Variants in ITFG2 observed in about 807,000 individuals in gnomAD.
The protein encoded by ITFG2 is integrin alpha FG-GAP repeat containing 2.
A neutral mutation model predicts 54.4 loss-of-function variants in ITFG2; 36 were observed. The observed-to-expected ratio is 0.66, with a 90% CI of 0.51 to 0.87. The LOEUF (loss-of-function observed/expected upper bound fraction) is 0.87, where lower values mean the gene tolerates loss of function less well. Ranked by LOEUF, ITFG2 falls within the 40% of genes least tolerant of loss-of-function variation. The pLI, the probability that ITFG2 is intolerant of heterozygous loss-of-function variation, is 0.00. For missense variants in ITFG2, 524 were observed against 576.7 expected, an observed-to-expected ratio of 0.91 and a Z score of 0.94; for synonymous variants, 211 against 225.4, an observed-to-expected ratio of 0.94 and a Z score of 0.57.
rs1462636315 is a variant in ITFG2 at position 2,845,251 on chromosome 12, G to A, written n.300+4256G>A. ...GCAGGGAAGCTGGAAAGTGAGTTGG[G>A]TGGGGACTGTCTGCAGAGGGGATCT... On this transcript the variant is annotated intron_variant and non_coding_transcript_variant, in intron 2 of 3. Coordinates refer to the ITFG2 transcript ENST00000537710. This position sits in a 1 kb window ranked among gnomAD's most constrained non-coding sequence, Gnocchi z 4.2. 7.9e-5 allele frequency among the ~76,000 whole-genome samples: 12 copies of A among 152,314 alleles called. No individual in the cohort carries two copies. In the East Asian group the frequency reaches 1.7e-3, roughly 22 times the overall value.
rs550495933 is a variant in ITFG2 at position 2,819,827 on chromosome 12, G to A, written c.407-259G>A. 85 of 322,490 alleles carry A rather than the reference G, an allele frequency of 2.6e-4. No homozygotes were observed. The South Asian group carries it at 7.8e-3, about 30-fold the overall frequency. The allele number at this position is 322,490 out of a possible 1,614,324, so 20.0% of individuals were successfully genotyped here. On this transcript the variant is annotated intron_variant, in intron 4 of 11. Coordinates refer to ENST00000228799, the MANE Select transcript of ITFG2 (RefSeq NM_018463.4). Reference sequence around the variant, plus strand: ...GCTTGTAGGTGGTGGGAGATACGTGGGATGAATTGGGACACTTTGAGTTGC... The same window carrying A: ...GCTTGTAGGTGGTGGGAGATACGTGAGATGAATTGGGACACTTTGAGTTGC...
upstream of ITFG2, chr12:2,835,464 C>T (rs2098024887): frequency 6.4e-6 from 1 of 155,514 alleles, no homozygotes. Flanking sequence ...GCGTCCTTCC[C>T]TCCTCTCATC....
chr12:2,843,329 A>G (rs1367945529), intron 2 of ITFG2, among the ~76,000 whole-genome samples: 2 of 152,134 alleles, frequency 1.3e-5, no homozygotes, highest in Admixed American at 6.5e-5. Flanking sequence ...ACACCTCCCT[A>G]CTGCCATCCC....
chr12:2,841,745 G>A (rs1425636573), intron 2 of ITFG2, among the ~76,000 whole-genome samples: 1 of 151,486 alleles, frequency 6.6e-6, no homozygotes, highest in African/African-American at 2.4e-5. Context: ...TTGAGACAGA[G>A]TCTCACCCTG....
At chr12:2,851,677 T>A (rs1195802729) in intron 2 of ITFG2, among the ~76,000 whole-genome samples, 2 of 151,804 alleles carry the variant, frequency 1.3e-5, no homozygotes, top group Non-Finnish European at 2.9e-5. Context: ...TATTTATTTT[T>A]TTTATTTTAA....
At chr12:2,843,610 C>T (rs2098046501) in intron 2 of ITFG2, among the ~76,000 whole-genome samples, 1 of 151,984 alleles carries the variant, frequency 6.6e-6, no homozygotes, top group African/African-American at 2.4e-5. Flanking sequence ...GTCAGGAGTT[C>T]GAGACCAACC....
chr12:2,848,613 A>G (rs1352275197), intron 2 of ITFG2, among the ~76,000 whole-genome samples: 2 of 151,892 alleles, frequency 1.3e-5, no homozygotes, highest in Non-Finnish European at 2.9e-5. Context: ...TGACTCTCCC[A>G]TTCTCCAGCA....
intron 10 of ITFG2, among the ~76,000 whole-genome samples, chr12:2,823,390 T>C (rs1198274102): frequency 6.6e-6 from 1 of 152,186 alleles, no homozygotes; most frequent in Non-Finnish European, 1.5e-5. Flanking sequence ...GGGGGATGCA[T>C]TTGGAAGGAG....
downstream of ITFG2, among the ~76,000 whole-genome samples, chr12:2,831,076 A>G: frequency 6.6e-6 from 1 of 151,838 alleles, no homozygotes; most frequent in East Asian, 1.9e-4. Context: ...ATTGCTCAGC[A>G]GTGAAGAAAT....
rs968714329 is a variant in ITFG2, at chr12:2,821,784, G to A, written c.940G>A (p.Asp314Asn). Residue 314 changes from aspartate to asparagine, a missense_variant, in exon 9 of 12, where the codon GAT becomes AAT. Transcript: ENST00000228799. ...DHQLFALEKLDVTGNGHEEVV... is the reference protein window; with the variant it reads ...DHQLFALEKLNVTGNGHEEVV... ...CCAGCTCTTTGCCCTGGAGAAACTG[G>A]ATGTCACCGTGAGTGGAAAACCTGG... The A allele has an allele frequency of 3.1e-6, 5 of 1,613,482 alleles. No individual in the cohort carries two copies. Among genetic ancestry groups the A allele is most frequent in the Non-Finnish European group, 4.2e-6 (5 of 1,179,532 alleles).
At chr12:2,850,253 A>G (rs1249171798) in intron 2 of ITFG2, among the ~76,000 whole-genome samples, 1 of 152,052 alleles carries the variant, frequency 6.6e-6, no homozygotes, top group African/African-American at 2.4e-5. Flanking sequence ...AGGCGGGTGG[A>G]TCACAAGGTC....
upstream of ITFG2, among the ~76,000 whole-genome samples, chr12:2,832,437 A>G (rs1164305426): frequency 6.6e-6 from 1 of 151,604 alleles, no homozygotes; most frequent in East Asian, 1.9e-4. Flanking sequence ...CTCTTCCTGA[A>G]ACTCCTCTTC....
At chr12:2,813,167 G>T (rs1341140873) in intron 1 of ITFG2, among the ~76,000 whole-genome samples, 1 of 152,210 alleles carries the variant, frequency 6.6e-6, no homozygotes, top group Non-Finnish European at 1.5e-5. Context: ...CTCCCAAGGG[G>T]CTGGGATTAC....
rs532083315 is a variant in ITFG2, at chr12:2,824,513, G to A, written c.*320G>A. 304 of 380,048 alleles carry A rather than the reference G, an allele frequency of 8.0e-4. 3 individuals are homozygous for A. The highest frequency in any genetic ancestry group is 5.0e-3 in the African/African-American group (239 of 48,204). 23.5% of individuals were successfully genotyped at this position (380,048 alleles called of 1,614,324 possible). A position where few individuals can be genotyped will look rare whatever the true frequency, so the allele number is the denominator to read the frequency against. ...CCCCACTGTCACTGTGTTGAAAACA[G>A]AGACTTGTTTGTGTGGCCCCAACAC... On this transcript the variant is annotated 3_prime_UTR_variant, in exon 12 of 12. Coordinates refer to ENST00000228799, the MANE Select transcript of ITFG2 (RefSeq NM_018463.4).
At chr12:2,827,017 A>G, downstream of ITFG2, 1 of 1,424,628 alleles carries the variant, frequency 7.0e-7, no homozygotes, top group Non-Finnish European at 9.1e-7. The surrounding 1 kb of genome is among the most constrained non-coding windows in gnomAD (Gnocchi z 4.0). Flanking sequence ...CGTCCTGGGG[A>G]GTAGGACAGC....
In ITFG2 at chr12:2,850,729, G is replaced by A. The variant is rs181358087; in HGVS notation, n.301-7283G>A. On this transcript the variant is annotated intron_variant and non_coding_transcript_variant, in intron 2 of 3. Coordinates refer to the ITFG2 transcript ENST00000537710. ...ACTCTGTTGCCCAGGCCGGAGTGCA[G>A]TGGCACGATCTTGGCTCACTGCAAC... Among the ~76,000 whole-genome samples the A allele has an allele frequency of 8.9e-3, 1,350 of 151,808 alleles. 12 individuals are homozygous for A. Among genetic ancestry groups the A allele is most frequent in the Middle Eastern group, 0.037 (11 of 294 alleles).
intron 2 of ITFG2, among the ~76,000 whole-genome samples, chr12:2,852,308 T>C (rs1356896696): frequency 1.3e-5 from 2 of 152,198 alleles, no homozygotes; most frequent in Non-Finnish European, 2.9e-5. Flanking sequence ...CCCTTCTGTA[T>C]GTATGCTAGG....
Position 2,823,874 on chromosome 12 carries a change from T to C in ITFG2, c.1171T>C (p.Ser391Pro). ...GGAGGTGCAGCTGGAGCGGATGGAG[T>C]CTACCAATCTGGTGAAACTGCTGGA... is the stretch of plus-strand genomic sequence containing the variant. ...YWEVQLERME[S>P]TNLVKLLETK... The change falls in exon 11 of 12, where the codon TCT becomes CCT. Residue 391 changes from serine (S) to proline (P), a missense_variant. By Grantham distance (74) the Ser-to-Pro change is moderately conservative. Coordinates refer to ENST00000228799, the MANE Select transcript of ITFG2 (RefSeq NM_018463.4). The C allele has an allele frequency of 6.2e-7, 1 of 1,613,234 alleles. No individual in the cohort carries two copies. Among genetic ancestry groups the C allele is most frequent in the Non-Finnish European group, 8.5e-7 (1 of 1,179,652 alleles).
rs2097959450 is a variant in ITFG2 at position 2,824,969 on chromosome 12, C to G, written c.*776C>G. 1 of 152,258 alleles carries G rather than the reference C, an allele frequency of 6.6e-6. No individual in the cohort carries two copies. Among genetic ancestry groups the G allele is most frequent in the Non-Finnish European group, 1.5e-5 (1 of 68,092 alleles). 9.4% of individuals were successfully genotyped at this position (152,258 alleles called of 1,614,324 possible). A position where few individuals can be genotyped will look rare whatever the true frequency, so the allele number is the denominator to read the frequency against. ...TGCCGTCTGTTCTTGATTCTCTATG[C>G]TCTAAATCGGTGTTTTTCAAACTGT... is the stretch of plus-strand genomic sequence containing the variant. On this transcript the variant is annotated 3_prime_UTR_variant, in exon 12 of 12. Coordinates refer to ENST00000228799, the MANE Select transcript of ITFG2 (RefSeq NM_018463.4).
Sources: gnomAD v4.1 joint callset for allele counts (sites outside exome capture counted in the v4.1 genomes callset) on GRCh38, gnomAD v4.1.1 for gene constraint, Gnocchi (gnomAD v3.1) non-coding constraint, MANE v1.5 for transcripts, NCBI Gene and HGNC (gene_info 2026-07-23, HGNC 2026-07-21) for gene names.